The following SLC25A14 variants were observed in gnomAD, a reference collection of about 807,000 sequenced individuals.
SLC25A14 encodes the protein solute carrier family 25 member 14.
In SLC25A14, 8 loss-of-function variants were observed where a neutral mutation model predicts 28.1. The ratio of observed to expected loss-of-function variants is 0.28; its 90% CI spans 0.17 to 0.51. SLC25A14 has a LOEUF of 0.51. Ranked by LOEUF, SLC25A14 falls within the 20% of genes least tolerant of loss-of-function variation. The pLI is 0.97. For missense variants in SLC25A14, 135 were observed against 263.8 expected (o/e 0.51, Z 3.38); for synonymous variants, 74 against 90.6 (o/e 0.82, Z 1.04).
intron 7 of SLC25A14, among the ~76,000 whole-genome samples, chrX:130,362,181 G>A (rs1013598114): frequency 2.8e-5 from 3 of 108,018 alleles, no homozygotes; most frequent in African/African-American, 1.0e-4. Flanking sequence ...TATGTTGCCA[G>A]GCTGGAGTGC....
At chrX:130,351,480 G>GT (rs2033621274) in intron 6 of SLC25A14, among the ~76,000 whole-genome samples, 4 of 111,119 alleles carry the variant, frequency 3.6e-5, no homozygotes, top group African/African-American at 1.3e-4. Context: ...TTTCTTTAAG[G>GT]TTTTTTCAAG....
intron 6 of SLC25A14, among the ~76,000 whole-genome samples, chrX:130,356,822 A>G (rs989086035): frequency 4.5e-5 from 5 of 111,611 alleles, no homozygotes; most frequent in African/African-American, 1.6e-4. Flanking sequence ...AAGTTTCTAC[A>G]GATTTTGCCT....
chrX:130,355,791 T>TTTTATTTA (rs769029717), intron 6 of SLC25A14, among the ~76,000 whole-genome samples: 5 of 112,013 alleles, frequency 4.5e-5, no homozygotes, highest in African/African-American at 1.6e-4. Context: ...TCCATATACC[T>TTTTATTTA]TTTATTTATT....
chrX:130,355,312 G>A lies in SLC25A14; in HGVS notation c.499-3328G>A, dbSNP rs758141064. On this transcript the variant is annotated intron_variant, in intron 6 of 10. Transcript: ENST00000545805. ...TCGGTTACCTGATGATGGGTGGCTG[G>A]TCTTGGGGTTTATCTCAATTGTTGC... 4.5e-5 allele frequency among the ~76,000 whole-genome samples: 5 copies of A among 112,119 alleles called. No homozygotes were observed. The East Asian group carries it at 1.4e-3, about 31-fold the overall frequency.
At chrX:130,341,394 G>T (rs142236087) in intron 2 of SLC25A14, among the ~76,000 whole-genome samples, 145 of 112,669 alleles carry the variant, frequency 1.3e-3, no homozygotes, top group African/African-American at 4.4e-3. Flanking sequence ...CTTGGTGCTA[G>T]AACGAATATC....
chrX:130,355,680 A>AT (rs1165194295), intron 6 of SLC25A14, among the ~76,000 whole-genome samples: 1 of 112,013 alleles, frequency 8.9e-6, no homozygotes, highest in Non-Finnish European at 1.9e-5. Flanking sequence ...ACTGTCTTAT[A>AT]TTTTACAGTT....
At chrX:130,341,370 G>A (rs2033253132) in intron 2 of SLC25A14, among the ~76,000 whole-genome samples, 1 of 112,713 alleles carries the variant, frequency 8.9e-6, no homozygotes, top group Admixed American at 9.4e-5. Flanking sequence ...GACAGGTTGA[G>A]TGGTAAATAT....
At chrX:130,372,469 A>T (rs61619982) in intron 10 of SLC25A14, among the ~76,000 whole-genome samples, 4,790 of 54,774 alleles carry the variant, frequency 0.087, 342 homozygotes, top group African/African-American at 0.21. Flanking sequence ...ATTTATTTTT[A>T]TTTTTTTTTT....
At chrX:130,345,837 G>T (rs187609228) in intron 3 of SLC25A14, among the ~76,000 whole-genome samples, 41 of 111,033 alleles carry the variant, frequency 3.7e-4, no homozygotes, top group Non-Finnish European at 6.4e-4. Flanking sequence ...GGTCATCAGT[G>T]ACCAGAGCTA....
intron 8 of SLC25A14, chrX:130,364,974 G>T: frequency 1.1e-6 from 1 of 897,757 alleles, no homozygotes; most frequent in South Asian, 3.1e-5. Context: ...TAATACAGCA[G>T]CCTATCAGAG....
chrX:130,344,058 A>G (rs929929619), intron 2 of SLC25A14, among the ~76,000 whole-genome samples: 3 of 112,462 alleles, frequency 2.7e-5, no homozygotes, highest in African/African-American at 9.7e-5. Flanking sequence ...AGAAGTATAC[A>G]TACTGTGAAG....
chrX:130,368,397 C>T (rs1179848317), intron 9 of SLC25A14, among the ~76,000 whole-genome samples: 1 of 111,519 alleles, frequency 9.0e-6, no homozygotes. Flanking sequence ...GAGGCCCCCC[C>T]ACACACACAC....
intron 7 of SLC25A14, among the ~76,000 whole-genome samples, chrX:130,359,470 A>G (rs2033902427): frequency 9.1e-6 from 1 of 110,453 alleles, no homozygotes; most frequent in South Asian, 3.8e-4. Context: ...AAAAGTAAAA[A>G]GAAAAAAAAT....
At chrX:130,346,770 G>A in intron 4 of SLC25A14, 79 bp downstream of exon 4, 2 of 872,832 alleles carry the variant, frequency 2.3e-6, no homozygotes, top group East Asian at 3.2e-5. Flanking sequence ...CTGATAGTTT[G>A]TGTCCGTTTC....
chrX:130,342,757 T>C (rs2033299126), intron 2 of SLC25A14, among the ~76,000 whole-genome samples: 1 of 109,803 alleles, frequency 9.1e-6, no homozygotes, highest in South Asian at 3.9e-4. Context: ...GCCAGTAAAA[T>C]GTAAATGAAA....
At position 130,340,250 on chromosome X, in the gene SLC25A14, C is replaced by T. The variant is rs201768697; in HGVS notation, c.-29C>T. ...CGAGCTCGCTCTGACAGCTGAGGAA[C>T]TGGCAAGATCCTGCTACCCAGAGGG... is the stretch of plus-strand genomic sequence containing the variant. On this transcript the variant is annotated 5_prime_UTR_variant, in exon 2 of 11. Transcript: ENST00000545805. 35 of 1,210,789 alleles carry T rather than the reference C, an allele frequency of 2.9e-5. No homozygotes were observed. The highest frequency in any genetic ancestry group is 3.9e-5 in the Non-Finnish European group (35 of 894,632).
At chrX:130,364,940 G>C in intron 8 of SLC25A14, 188 bp downstream of exon 8, 1 of 978,413 alleles carries the variant, frequency 1.0e-6, no homozygotes, top group East Asian at 4.8e-5. Flanking sequence ...TGCTATGGGG[G>C]CTTGGGTACT....
At chrX:130,345,080 C>T (rs1249163761) in intron 2 of SLC25A14, 102 bp from the exon 3 acceptor site, 1 of 572,372 alleles carries the variant, frequency 1.7e-6, no homozygotes, top group African/African-American at 2.3e-5. Context: ...TTTTCTTCTA[C>T]ATCTATTTTA....
intron 3 of SLC25A14, among the ~76,000 whole-genome samples, chrX:130,345,900 A>C (rs2033419750): frequency 9.0e-6 from 1 of 111,153 alleles, no homozygotes; most frequent in African/African-American, 3.3e-5. Flanking sequence ...CAATGTGATG[A>C]CCACTTCTGT....
Sources: allele counts gnomAD v4.1 joint callset (sites outside exome capture counted in the v4.1 genomes callset), GRCh38; gene constraint gnomAD v4.1.1; transcripts MANE v1.5; gene names NCBI Gene and HGNC (gene_info 2026-07-23, HGNC 2026-07-21).